The following DGKA variants were observed in gnomAD, a reference collection of about 807,000 sequenced individuals.
The protein encoded by DGKA is diacylglycerol kinase alpha, also known as 80 kDa diacylglycerol kinase.
DGKA carries 35 observed loss-of-function variants against 105.0 expected under a neutral mutation model. The ratio of observed to expected loss-of-function variants is 0.33; its 90% CI spans 0.25 to 0.44. The LOEUF (loss-of-function observed/expected upper bound fraction) is 0.44, where lower values mean the gene tolerates loss of function less well. Ranked by LOEUF, DGKA falls within the 20% of genes least tolerant of loss-of-function variation. DGKA has a pLI of 1.00. For missense variants in DGKA, 665 were observed against 915.0 expected, an observed-to-expected ratio of 0.73 and a Z score of 3.53; for synonymous variants, 296 against 332.0, an observed-to-expected ratio of 0.89 and a Z score of 1.18.
chr12:55,937,089 A>T lies in DGKA; in HGVS notation c.137A>T (p.Asp46Val). The T allele has an allele frequency of 6.2e-7, 1 of 1,614,064 alleles. No individual in the cohort carries two copies. The highest frequency in any genetic ancestry group is 1.6e-4 in the Middle Eastern group (1 of 6,062). ...DGEMAKYVQG[D>V]AIGYEGFQQF... ...GAGATGGCTAAATATGTCCAAGGAG[A>T]TGTGAGTGGCAGCTGGGAAATCTTC... Residue 46 changes from aspartate to valine, a missense_variant and splice_region_variant, in exon 3 of 24, where the codon GAT becomes GTT. Around this residue, in one of 3 missense-constraint regions of DGKA, gnomAD observed 504 missense variants for 681.2 expected, o/e 0.74. Transcript: ENST00000331886.
rs1048555481 is a variant in DGKA, at chr12:55,953,964, T to C, written c.*196T>C. On this transcript the variant is annotated 3_prime_UTR_variant, in exon 24 of 24. Coordinates refer to ENST00000331886, the MANE Select transcript of DGKA (RefSeq NM_001345.5). ...ACACATACACACACCCCAAAACACA[T>C]ACATTGAAAGTGCCTCATCTGAATA... 6.3e-6 allele frequency: 4 copies of C among 633,618 alleles called. No individual in the cohort carries two copies. Among genetic ancestry groups the C allele is most frequent in the Non-Finnish European group, 1.1e-5 (4 of 368,232 alleles). 39.2% of individuals were successfully genotyped at this position (633,618 alleles called of 1,614,324 possible).
rs761984461 is a variant in DGKA at position 55,940,284 on chromosome 12, G to T, written c.799-30G>T. On this transcript the variant is annotated intron_variant, in intron 10 of 23. Transcript: ENST00000331886. The surrounding 1 kb of genome is among the most constrained non-coding windows in gnomAD (Gnocchi z 4.3). ...CTCCCCTAGGTCCTGCTCAGACCCTGCCAGACAAGGAACTGCCTTTCTCCC... is the reference window on the plus strand; with the variant it reads ...CTCCCCTAGGTCCTGCTCAGACCCTTCCAGACAAGGAACTGCCTTTCTCCC... 1 of 1,614,238 alleles carries T rather than the reference G, an allele frequency of 6.2e-7. No homozygotes were observed. The highest frequency in any genetic ancestry group is 2.2e-5 in the East Asian group (1 of 44,888).
Position 55,942,242 on chromosome 12 carries a change from C to G in DGKA, c.1405C>G (p.Arg469Gly). Residue 469 changes from arginine (R) to glycine (G), a missense_variant, in exon 17 of 24, where the codon CGA (arginine) becomes GGA (glycine). By Grantham distance (125) the Arg-to-Gly change is moderately radical. Around this residue, in one of 3 missense-constraint regions of DGKA, gnomAD observed 504 missense variants for 681.2 expected, o/e 0.74. Coordinates refer to ENST00000331886, the MANE Select transcript of DGKA (RefSeq NM_001345.5). Reference sequence around the variant, plus strand: ...CCTGGGTACTGGAAATGATCTGGCTCGATGCCTAAGATGGGGAGGAGGTAA... The same window carrying G: ...CCTGGGTACTGGAAATGATCTGGCTGGATGCCTAAGATGGGGAGGAGGTAA... ...LPLGTGNDLA[R>G]CLRWGGGYEG... 6.2e-7 allele frequency: 1 copy of G among 1,614,070 alleles called. No homozygotes were observed. The highest frequency in any genetic ancestry group is 8.5e-7 in the Non-Finnish European group (1 of 1,180,034).
upstream of DGKA, chr12:55,930,993 A>G (rs1401152793): frequency 6.6e-6 from 1 of 152,184 alleles, no homozygotes; most frequent in Non-Finnish European, 1.5e-5. Flanking sequence ...ACACATGCAT[A>G]TACCCTTCTA....
In DGKA at chr12:55,940,938, G is replaced by A. The variant is rs934777409; in HGVS notation, c.1059G>A (p.Lys353=). ...PDRKNSKTSQ[K]TMDDLNLSTS... Reference sequence around the variant, plus strand: ...GTAAAAATAGCAAAACAAGCCAGAAGACCATGGATGATTTAAATTTGAGCA... The same window carrying A: ...GTAAAAATAGCAAAACAAGCCAGAAAACCATGGATGATTTAAATTTGAGCA... The change falls in exon 13 of 24, where the codon AAG becomes AAA. Residue 353 remains lysine (K), a synonymous_variant. Coordinates refer to ENST00000331886, the MANE Select transcript of DGKA (RefSeq NM_001345.5). This position sits in a 1 kb window ranked among gnomAD's most constrained non-coding sequence, Gnocchi z 4.3. 1 of 1,614,154 alleles carries A rather than the reference G, an allele frequency of 6.2e-7. No homozygotes were observed. The highest frequency in any genetic ancestry group is 8.5e-7 in the Non-Finnish European group (1 of 1,180,020).
chr12:55,940,566 A>C lies in DGKA; in HGVS notation c.919-58A>C. The C allele has an allele frequency of 6.4e-7, 1 of 1,555,190 alleles. No individual in the cohort carries two copies. On this transcript the variant is annotated intron_variant, in intron 11 of 23. Transcript: ENST00000331886. The surrounding 1 kb of genome is among the most constrained non-coding windows in gnomAD (Gnocchi z 4.3). ...AGGGCTCTTTCCAGCCCAGACTGCCAGGTTGAGAGGAGACAGGGTTACCTT... is the reference window on the plus strand; with the variant it reads ...AGGGCTCTTTCCAGCCCAGACTGCCCGGTTGAGAGGAGACAGGGTTACCTT...
intron 17 of DGKA, among the ~76,000 whole-genome samples, chr12:55,945,038 G>A (rs1886736097): frequency 6.6e-6 from 1 of 152,182 alleles, no homozygotes; most frequent in Non-Finnish European, 1.5e-5. Flanking sequence ...GACCTCAGGT[G>A]ATCCGCCCAC....
intron 9 of DGKA, 177 bp from the exon 10 acceptor site, chr12:55,939,905 T>C (rs1446505131): frequency 1.8e-5 from 11 of 624,488 alleles, no homozygotes; most frequent in Non-Finnish European, 3.1e-5. Context: ...GCTGATCTTT[T>C]AGGAGGAAGA....
chr12:55,950,841 G>C (rs929035295), intron 17 of DGKA, among the ~76,000 whole-genome samples: 2 of 152,130 alleles, frequency 1.3e-5, no homozygotes, highest in African/African-American at 2.4e-5. Context: ...TGGGATTATA[G>C]AGGCTACCAT....
At position 55,953,926 on chromosome 12, in the gene DGKA, T is replaced by C; in HGVS notation, c.*158T>C. ...TTATTATCCTGCACCACCTCACTGT[T>C]CCCCATGCGCACACACATACACACA... On this transcript the variant is annotated 3_prime_UTR_variant, in exon 24 of 24. Transcript: ENST00000331886. 1.5e-6 allele frequency: 1 copy of C among 679,134 alleles called. No homozygotes were observed. Among genetic ancestry groups the C allele is most frequent in the East Asian group, 2.7e-5 (1 of 36,822 alleles). 42.1% of individuals were successfully genotyped at this position (679,134 alleles called of 1,614,324 possible).
intron 4 of DGKA, 76 bp from the exon 5 acceptor site, chr12:55,937,902 G>A (rs1335315820): frequency 1.2e-5 from 16 of 1,300,574 alleles, no homozygotes; most frequent in Admixed American, 5.5e-5. Flanking sequence ...AAAAGGGAGA[G>A]GTGGGACAAA....
intron 1 of DGKA, among the ~76,000 whole-genome samples, chr12:55,933,253 C>T (rs914367415): frequency 1.2e-4 from 18 of 152,114 alleles, no homozygotes; most frequent in African/African-American, 2.7e-4. Context: ...CTGTAAAATA[C>T]GAGGGTTGGT....
chr12:55,950,268 C>A (rs890689463), intron 17 of DGKA, among the ~76,000 whole-genome samples: 1 of 150,626 alleles, frequency 6.6e-6, no homozygotes, highest in Admixed American at 6.6e-5. Context: ...CCATCGCGCC[C>A]GGCCTACACC....
In DGKA at chr12:55,937,831, C is replaced by A. The variant is rs1008624101; in HGVS notation, c.275-147C>A. The stretch of plus-strand genomic sequence containing the variant: ...GAGCAGTAATCATGCCACTGCACTC[C>A]AGCCTCAGTGACAGAGCAAGACCCT... On this transcript the variant is annotated intron_variant, in intron 4 of 23. Coordinates refer to ENST00000331886, the MANE Select transcript of DGKA (RefSeq NM_001345.5). 1.3e-5 allele frequency: 10 copies of A among 769,048 alleles called. No individual in the cohort carries two copies. In the African/African-American group the frequency reaches 1.8e-4, roughly 14 times the overall value. 47.6% of individuals were successfully genotyped at this position (769,048 alleles called of 1,614,324 possible).
chr12:55,932,635 C>T lies in DGKA; in HGVS notation c.-82+1291C>T, dbSNP rs1045368708. 13 of 701,952 alleles carry T rather than the reference C, an allele frequency of 1.9e-5. No homozygotes were observed. Among genetic ancestry groups the T allele is most frequent in the East Asian group, 2.7e-5 (1 of 37,286 alleles). The allele number at this position is 701,952 out of a possible 1,614,324, so 43.5% of individuals were successfully genotyped here. On this transcript the variant is annotated intron_variant, in intron 1 of 23. Coordinates refer to ENST00000331886, the MANE Select transcript of DGKA (RefSeq NM_001345.5). The surrounding 1 kb of genome is among the most constrained non-coding windows in gnomAD (Gnocchi z 4.3). The stretch of plus-strand genomic sequence containing the variant: ...TTCAGCCTCAGCACAGACAAGCCCA[C>T]ATCCCCCAACCATGCCAGTATCGTA...
At chr12:55,951,917 G>A in intron 18 of DGKA, 118 bp from the exon 19 acceptor site, 1 of 1,509,952 alleles carries the variant, frequency 6.6e-7, no homozygotes. Context: ...ACAGTGCTGA[G>A]TTGCAAGGGA....
upstream of DGKA, chr12:55,927,598 G>T: frequency 8.0e-7 from 1 of 1,243,346 alleles, no homozygotes; most frequent in South Asian, 1.4e-5. Context: ...GACGGTTGGA[G>T]ACCCTATCTA....
At chr12:55,953,577 AG>A in intron 23 of DGKA, 107 bp from the exon 24 acceptor site, 1 of 1,375,616 alleles carries the variant, frequency 7.3e-7, no homozygotes, top group South Asian at 1.2e-5. Flanking sequence ...TGGCCTCTCT[AG>A]GAACCTAGCA....
upstream of DGKA, chr12:55,929,780 G>A (rs981047430): frequency 1.3e-5 from 2 of 152,134 alleles, no homozygotes; most frequent in South Asian, 2.1e-4. Context: ...ACTGACTTGG[G>A]GTATGATGGA....
Sources: allele counts gnomAD v4.1 joint callset (sites outside exome capture counted in the v4.1 genomes callset), GRCh38; gene constraint gnomAD v4.1.1; regional missense constraint gnomAD v4.1.1; non-coding constraint Gnocchi (gnomAD v3.1); transcripts MANE v1.5; gene names NCBI Gene and HGNC (gene_info 2026-07-23, HGNC 2026-07-21).